ADGRE2: variants seen among roughly 807,000 people sequenced by gnomAD.
ADGRE2 encodes the protein adhesion G protein-coupled receptor E2.
In ADGRE2, 83 loss-of-function variants were observed where a neutral mutation model predicts 100.8. That is an observed-to-expected ratio of 0.82 (90% CI 0.69 to 0.99). ADGRE2 has a LOEUF of 0.99. ADGRE2 is among the 50% of genes least tolerant of loss of function. ADGRE2 has a pLI of 0.00. For missense variants in ADGRE2, 814 were observed against 1,035.7 expected (o/e 0.79, Z 2.94); for synonymous variants, 355 against 413.0 (o/e 0.86, Z 1.70).
At chr19:14,729,354 G>A (rs571141713), downstream of ADGRE2, among the ~76,000 whole-genome samples, 42 of 151,220 alleles carry the variant, frequency 2.8e-4, no homozygotes, top group East Asian at 1.5e-3. Context: ...TTGGTCAAAC[G>A]ATACACTTTT....
chr19:14,745,309 A>C (rs978005624), intron 18 of ADGRE2, among the ~76,000 whole-genome samples: 1 of 152,182 alleles, frequency 6.6e-6, no homozygotes, highest in Admixed American at 6.5e-5. Flanking sequence ...TTGTGGGGAC[A>C]TATGTGATAT....
At chr19:14,752,675 T>C (rs2043337522) in intron 14 of ADGRE2, 149 bp from the exon 15 acceptor site, 4 of 1,040,962 alleles carry the variant, frequency 3.8e-6, no homozygotes, top group Non-Finnish European at 4.2e-6. Flanking sequence ...TTTAATTTAA[T>C]TTGCGAAGGT....
Position 14,733,073 on chromosome 19 carries a change from C to G in ADGRE2, c.*3163G>C, listed in dbSNP as rs2042691021. 3 of 152,236 alleles carry G rather than the reference C, an allele frequency of 2.0e-5. No individual in the cohort carries two copies. The highest frequency in any genetic ancestry group is 1.3e-4 in the Admixed American group (2 of 15,268). 9.4% of individuals were successfully genotyped at this position (152,236 alleles called of 1,614,324 possible). A position where few individuals can be genotyped will look rare whatever the true frequency, so the allele number is the denominator to read the frequency against. ...AAGCAGCAGCTGACTCTGATATTCC[C>G]CATCTCACCTTAGCAGTCTATATCA... is the stretch of plus-strand genomic sequence containing the variant. On this transcript the variant is annotated 3_prime_UTR_variant, in exon 21 of 21. Transcript: ENST00000315576.
chr19:14,751,550 G>T lies in ADGRE2; in HGVS notation c.1910C>A (p.Ser637Ter). 6.2e-7 allele frequency: 1 copy of T among 1,614,120 alleles called. No individual in the cohort carries two copies. The highest frequency in any genetic ancestry group is 8.5e-7 in the Non-Finnish European group (1 of 1,180,012). ...TARNLTVVNY[S>*]SINRFMKKLM... is the part of the protein sequence containing the mutation. Reference sequence around the variant, plus strand: ...CTTCTTCATGAATCTGTTGATGCTTGAGTAGTTGACCACCGTCAGGTTCCG... The same window carrying T: ...CTTCTTCATGAATCTGTTGATGCTTTAGTAGTTGACCACCGTCAGGTTCCG... Residue 637 changes from serine to a stop codon, truncating the protein, a stop_gained, in exon 16 of 21, where the codon TCA (serine) becomes TAA (stop). Transcript: ENST00000315576. LOFTEE classifies it high-confidence loss of function.
chr19:14,764,608 G>T lies in ADGRE2; in HGVS notation c.909C>A (p.Ser303Arg), dbSNP rs1433523458. The T allele has an allele frequency of 6.2e-7, 1 of 1,610,542 alleles. No homozygotes were observed. Among genetic ancestry groups the T allele is most frequent in the South Asian group, 1.1e-5 (1 of 90,950 alleles). ...KPGLANNTIQ[S>R]ILQALDELLE... ...GCAGCTCATCCAGCGCCTGTAAGAT[G>T]CTCTGGAGGGATGTGGACACAGACC... is the stretch of plus-strand genomic sequence containing the variant. The change falls in exon 11 of 21, where the codon AGC becomes AGA. Residue 303 changes from serine to arginine, a missense_variant and splice_region_variant. This residue lies in a region of ADGRE2 where 569 missense variants were observed against 692.7 expected (regional missense o/e 0.82). Transcript: ENST00000315576.
rs1170474826 is a variant in ADGRE2, at chr19:14,776,665, T to G, written c.31+61A>C. ...CGGCGCCTCCCGTTTCTCAGACGCA[T>G]CCAAGGGGTCCCGCTGGAGCTTCCT... On this transcript the variant is annotated intron_variant, in intron 2 of 20. Transcript: ENST00000315576. 8 of 1,561,024 alleles carry G rather than the reference T, an allele frequency of 5.1e-6. No homozygotes were observed. The African/African-American group carries it at 5.5e-5, about 11-fold the overall frequency.
chr19:14,768,684 A>G (rs747629029), intron 5 of ADGRE2: 2 of 152,254 alleles, frequency 1.3e-5, no homozygotes, highest in East Asian at 3.9e-4. Context: ...AGTCCATGTC[A>G]CTGTGCCCAC....
At chr19:14,746,427 T>C in intron 17 of ADGRE2, 104 bp from the exon 18 acceptor site, 10 of 693,240 alleles carry the variant, frequency 1.4e-5, no homozygotes, top group Non-Finnish European at 2.3e-5. Context: ...GGCTGGAGTG[T>C]GGCGGTGCAA....
intron 1 of ADGRE2, among the ~76,000 whole-genome samples, chr19:14,777,311 G>GT (rs1330468950): frequency 6.6e-6 from 1 of 152,220 alleles, no homozygotes; most frequent in Non-Finnish European, 1.5e-5. Context: ...CCAGCTGGCA[G>GT]TATCTTCCCC....
At chr19:14,724,233 T>C in the ADGRE2 span, among the ~76,000 whole-genome samples, 1 of 152,196 alleles carries the variant, frequency 6.6e-6, no homozygotes, top group Non-Finnish European at 1.5e-5. Context: ...AAGATCAGAA[T>C]GAGAAGAGCT....
At chr19:14,742,578 G>A (rs1425670942) in intron 20 of ADGRE2, among the ~76,000 whole-genome samples, 1 of 152,206 alleles carries the variant, frequency 6.6e-6, no homozygotes, top group African/African-American at 2.4e-5. Flanking sequence ...AGAGGGTGCT[G>A]AGTAGAGGCA....
At chr19:14,774,572 G>A (rs1481764888) in intron 2 of ADGRE2, among the ~76,000 whole-genome samples, 4 of 151,046 alleles carry the variant, frequency 2.6e-5, no homozygotes, top group South Asian at 2.1e-4. Flanking sequence ...GCAGTGATGC[G>A]ATTATAGCTC....
intron 18 of ADGRE2, among the ~76,000 whole-genome samples, 196 bp from the exon 19 acceptor site, chr19:14,743,980 C>T (rs1000363831): frequency 2.6e-5 from 4 of 152,202 alleles, no homozygotes; most frequent in Non-Finnish European, 5.9e-5. Context: ...TGGCTCATGC[C>T]TGTAATCCCA....
chr19:14,754,447 C>T (rs1379278816), intron 14 of ADGRE2, among the ~76,000 whole-genome samples: 1 of 121,810 alleles, frequency 8.2e-6, no homozygotes, highest in Non-Finnish European at 1.8e-5. Flanking sequence ...AATTATCTAT[C>T]TATCTATCTA....
At chr19:14,761,102 T>C (rs1163970402) in intron 11 of ADGRE2, among the ~76,000 whole-genome samples, 1 of 152,054 alleles carries the variant, frequency 6.6e-6, no homozygotes, top group East Asian at 1.9e-4. Context: ...CCCCCTAAAA[T>C]GTATAAAACC....
intron 5 of ADGRE2, among the ~76,000 whole-genome samples, chr19:14,770,888 C>T (rs929136130): frequency 5.9e-5 from 9 of 151,874 alleles, no homozygotes; most frequent in African/African-American, 2.2e-4. Context: ...CTATGTTTGT[C>T]AGGCTGGTCT....
intron 20 of ADGRE2, among the ~76,000 whole-genome samples, chr19:14,736,770 A>ATATAGATATTTAGAAG (rs1293652394): frequency 7.1e-6 from 1 of 140,208 alleles, no homozygotes; most frequent in Non-Finnish European, 1.5e-5. Flanking sequence ...ATATTTAGAA[A>ATATAGATATTTAGAAG]TATAGATATT....
chr19:14,766,594 T>C (rs1055394812), intron 6 of ADGRE2, among the ~76,000 whole-genome samples: 2 of 152,188 alleles, frequency 1.3e-5, no homozygotes, highest in Non-Finnish European at 1.5e-5. Flanking sequence ...CCCCAGTTTA[T>C]AGGAGGTGAA....
intron 16 of ADGRE2, among the ~76,000 whole-genome samples, chr19:14,749,342 TATG>T (rs1376736230): frequency 3.5e-5 from 5 of 142,330 alleles, no homozygotes; most frequent in South Asian, 2.2e-4. Flanking sequence ...ATTATAATGA[TATG>T]ATAATATATG....
Sources: allele counts gnomAD v4.1 joint callset (sites outside exome capture counted in the v4.1 genomes callset), GRCh38; gene constraint gnomAD v4.1.1; regional missense constraint gnomAD v4.1.1; transcripts MANE v1.5; gene names NCBI Gene and HGNC (gene_info 2026-07-23, HGNC 2026-07-21).